Variants in QSOX1 observed in about 807,000 individuals in gnomAD.
QSOX1 encodes the protein quiescin sulfhydryl oxidase 1.
QSOX1 carries 40 observed loss-of-function variants against 76.1 expected under a neutral mutation model. That is an observed-to-expected ratio of 0.53 (90% CI 0.41 to 0.68). The LOEUF is 0.68. Ranked by LOEUF, QSOX1 falls within the 30% of genes least tolerant of loss-of-function variation. The pLI, the probability that QSOX1 is intolerant of heterozygous loss-of-function variation, is 0.00. For missense variants in QSOX1, 931 were observed against 974.3 expected (o/e 0.96, Z 0.59); for synonymous variants, 392 against 413.1 (o/e 0.95, Z 0.62).
At chr1:180,162,958 G>A (rs1341348193) in intron 1 of QSOX1, among the ~76,000 whole-genome samples, 6 of 152,070 alleles carry the variant, frequency 3.9e-5, no homozygotes, top group Admixed American at 2.0e-4. Flanking sequence ...ATGAAGCACA[G>A]GGAATCATCT....
At position 180,202,296 on chromosome 1, in the gene QSOX1, A is replaced by G. The variant is rs1450747312; in HGVS notation, c.*5259A>G. 6.6e-6 allele frequency: 1 copy of G among 152,274 alleles called. No individual in the cohort carries two copies. Among genetic ancestry groups the G allele is most frequent in the East Asian group, 1.9e-4 (1 of 5,192 alleles). 9.4% of individuals were successfully genotyped at this position (152,274 alleles called of 1,614,324 possible). The stretch of plus-strand genomic sequence containing the variant: ...TTGGTCGTCTCTATACTGAGAGAGC[A>G]AAAGCTCTTTTCCTGGGGCTGCATG... On this transcript the variant is annotated 3_prime_UTR_variant, in exon 12 of 12. Coordinates refer to ENST00000367602, the MANE Select transcript of QSOX1 (RefSeq NM_002826.5).
At position 180,198,679 on chromosome 1, in the gene QSOX1, G is replaced by A; in HGVS notation, c.*1642G>A. On this transcript the variant is annotated 3_prime_UTR_variant, in exon 12 of 12. Transcript: ENST00000367602. ...CAGCGCCTTGCTGGGCTCCTGGGTT[G>A]GACTCCCTCTCTGTGCCCCTGCTCC... 1 of 332,236 alleles carries A rather than the reference G, an allele frequency of 3.0e-6. No homozygotes were observed. Among genetic ancestry groups the A allele is most frequent in the Non-Finnish European group, 6.0e-6 (1 of 166,584 alleles). 20.6% of individuals were successfully genotyped at this position (332,236 alleles called of 1,614,324 possible).
chr1:180,159,710 ACTCT>A (rs1284697710), intron 1 of QSOX1, among the ~76,000 whole-genome samples: 1 of 151,620 alleles, frequency 6.6e-6, no homozygotes, highest in Non-Finnish European at 1.5e-5. Context: ...CTGTTAACTC[ACTCT>A]CTCCTGATCT....
intron 6 of QSOX1, among the ~76,000 whole-genome samples, chr1:180,183,452 A>G (rs1275511946): frequency 1.3e-5 from 2 of 152,336 alleles, no homozygotes; most frequent in South Asian, 2.1e-4. Flanking sequence ...GAAAAATCCC[A>G]TATCAAACTC....
At chr1:180,189,852 C>T (rs1037835218) in intron 9 of QSOX1, among the ~76,000 whole-genome samples, 178 bp downstream of exon 9, 1 of 152,200 alleles carries the variant, frequency 6.6e-6, no homozygotes, top group Non-Finnish European at 1.5e-5. Flanking sequence ...GCGCACATCT[C>T]ATTTAATCCT....
chr1:180,183,675 G>A (rs1475626011), intron 6 of QSOX1, among the ~76,000 whole-genome samples: 1 of 152,230 alleles, frequency 6.6e-6, no homozygotes, highest in African/African-American at 2.4e-5. Flanking sequence ...CTTACCAGGT[G>A]AGGTTTGACA....
rs1198327504 is a variant in QSOX1, at chr1:180,202,774, T to C, written c.*5737T>C. The C allele has an allele frequency of 1.3e-5, 2 of 152,100 alleles. No individual in the cohort carries two copies. The highest frequency in any genetic ancestry group is 4.8e-5 in the African/African-American group (2 of 41,434). The allele number at this position is 152,100 out of a possible 1,614,324, so 9.4% of individuals were successfully genotyped here. A position where few individuals can be genotyped will look rare whatever the true frequency, so the allele number is the denominator to read the frequency against. On this transcript the variant is annotated 3_prime_UTR_variant, in exon 12 of 12. Coordinates refer to ENST00000367602, the MANE Select transcript of QSOX1 (RefSeq NM_002826.5). ...CAACTGATGTGAGTAATCCATCTAC[T>C]TGACGTCACTTTTAAGAAATAAGGC...
rs1224039016 is a variant in QSOX1 at position 180,197,364 on chromosome 1, A to G, written c.*327A>G. ...TGAAGTCCTGCCTCATTCTCACTGG[A>G]GCCTCAGTCTCTCCTGCTTGGTCTT... On this transcript the variant is annotated 3_prime_UTR_variant, in exon 12 of 12. Transcript: ENST00000367602. 1 of 1,613,582 alleles carries G rather than the reference A, an allele frequency of 6.2e-7. No homozygotes were observed. Among genetic ancestry groups the G allele is most frequent in the Non-Finnish European group, 8.5e-7 (1 of 1,179,972 alleles).
intron 5 of QSOX1, among the ~76,000 whole-genome samples, chr1:180,181,914 G>A (rs895624193): frequency 2.6e-5 from 4 of 152,232 alleles, no homozygotes; most frequent in African/African-American, 4.8e-5. Context: ...TGGGACTGTC[G>A]TAAGAAATTA....
chr1:180,189,080 G>C (rs940749699), intron 8 of QSOX1, among the ~76,000 whole-genome samples: 1 of 152,210 alleles, frequency 6.6e-6, no homozygotes, highest in Non-Finnish European at 1.5e-5. Flanking sequence ...GAATCCAAAT[G>C]AAAGGTCTCG....
In QSOX1 at chr1:180,197,955, C is replaced by T. The variant is rs7597; in HGVS notation, c.*918C>T. 33,912 of 349,830 alleles carry T rather than the reference C, an allele frequency of 0.097. 2,881 individuals carry two copies. Among genetic ancestry groups the T allele is most frequent in the East Asian group, 0.46 (6,063 of 13,176 alleles). The allele number at this position is 349,830 out of a possible 1,614,324, so 21.7% of individuals were successfully genotyped here. ...AGAAGTTAGAAGGGTCTGGCGGGGG[C>T]AGTGCCTTACACATGCTTGATTCCC... On this transcript the variant is annotated 3_prime_UTR_variant, in exon 12 of 12. Transcript: ENST00000367602.
At chr1:180,178,768 G>A (rs1198838152) in intron 4 of QSOX1, 26 bp from the exon 5 acceptor site, 1 of 1,601,404 alleles carries the variant, frequency 6.2e-7, no homozygotes, top group Non-Finnish European at 8.6e-7. Context: ...GCTGTGCAGA[G>A]TGACTGCCAG....
At chr1:180,169,804 C>A (rs1662721107) in intron 2 of QSOX1, among the ~76,000 whole-genome samples, 1 of 152,236 alleles carries the variant, frequency 6.6e-6, no homozygotes. Flanking sequence ...AGCGTGAGAT[C>A]CCCAGAGCCC....
intron 3 of QSOX1, 40 bp downstream of exon 3, chr1:180,175,406 C>T (rs1200719208): frequency 1.3e-6 from 2 of 1,593,196 alleles, no homozygotes; most frequent in Non-Finnish European, 1.7e-6. Flanking sequence ...GCATCTTCCT[C>T]CCCCAACCTC....
chr1:180,195,549 G>C (rs886935812), intron 11 of QSOX1, among the ~76,000 whole-genome samples: 1 of 152,202 alleles, frequency 6.6e-6, no homozygotes, highest in African/African-American at 2.4e-5. Context: ...GTGAGGGGCT[G>C]GTGGCCGTGG....
At chr1:180,163,778 C>G (rs1418567398) in intron 1 of QSOX1, among the ~76,000 whole-genome samples, 1 of 152,100 alleles carries the variant, frequency 6.6e-6, no homozygotes, top group Non-Finnish European at 1.5e-5. Flanking sequence ...AGTTAGAGCC[C>G]CCAGAGAATG....
In QSOX1 at chr1:180,196,433, C is replaced by T. The variant is rs766838466; in HGVS notation, c.1640C>T (p.Ala547Val). ...PSNIILDFPA[A>V]GSAARRDVQN... ...AACATCATCCTGGACTTCCCTGCAG[C>T]TGGGTCAGCTGCCCGGAGGGATGTG... is the stretch of plus-strand genomic sequence containing the variant. The change falls in exon 12 of 12, where the codon GCT becomes GTT. Residue 547 changes from alanine (A) to valine (V), a missense_variant. Ala to Val is a moderately conservative substitution (Grantham distance 64). Coordinates refer to ENST00000367602, the MANE Select transcript of QSOX1 (RefSeq NM_002826.5). The surrounding 1 kb of genome is among the most constrained non-coding windows in gnomAD (Gnocchi z 4.1). The T allele has an allele frequency of 1.2e-6, 2 of 1,614,192 alleles. No individual in the cohort carries two copies. Among genetic ancestry groups the T allele is most frequent in the South Asian group, 2.2e-5 (2 of 91,090 alleles).
intron 4 of QSOX1, among the ~76,000 whole-genome samples, chr1:180,177,463 C>G (rs1284054510): frequency 6.6e-6 from 1 of 152,166 alleles, no homozygotes; most frequent in Non-Finnish European, 1.5e-5. Flanking sequence ...CCATGTTGCC[C>G]AGGGTGGTCT....
chr1:180,183,365 A>G (rs939681739), intron 6 of QSOX1, among the ~76,000 whole-genome samples: 6 of 67,072 alleles, frequency 8.9e-5, no homozygotes, highest in Non-Finnish European at 1.4e-4. Flanking sequence ...TGTCGGAAAA[A>G]AGAAAGAAAC....
Sources: allele counts gnomAD v4.1 joint callset (sites outside exome capture counted in the v4.1 genomes callset), GRCh38; gene constraint gnomAD v4.1.1; non-coding constraint Gnocchi (gnomAD v3.1); transcripts MANE v1.5; gene names NCBI Gene and HGNC (gene_info 2026-07-23, HGNC 2026-07-21).